Variants in CNTNAP5 observed in about 807,000 individuals in gnomAD.
The protein encoded by CNTNAP5 is contactin-associated protein-like 5.
CNTNAP5 carries 72 observed loss-of-function variants against 150.2 expected under a neutral mutation model. That is an observed-to-expected ratio of 0.48 (90% CI 0.40 to 0.58). The LOEUF is 0.58. Among genes scored for constraint, CNTNAP5 ranks in the 20% least tolerant of loss-of-function variants. CNTNAP5 has a pLI of 0.00. For synonymous variants in CNTNAP5, 672 were observed against 619.8 expected, an observed-to-expected ratio of 1.08 and a Z score of -1.25; for missense variants, 1,636 against 1,626.2, an observed-to-expected ratio of 1.01 and a Z score of -0.10.
rs1678143468 is a variant in CNTNAP5, at chr2:124,889,208, T to C, written c.3437-13674T>C. ...CTGCCTCCCAGGTTTCAAGTGATTC[T>C]GCTGTTTCAGCCTCCCAAGTAGCTG... is the stretch of plus-strand genomic sequence containing the variant. On this transcript the variant is annotated intron_variant, in intron 21 of 23. Coordinates refer to ENST00000682447, the MANE Select transcript of CNTNAP5 (RefSeq NM_001367498.1). Among the ~76,000 whole-genome samples the C allele has an allele frequency of 2.0e-5, 3 of 151,296 alleles. No individual in the cohort carries two copies. In the South Asian group the frequency reaches 6.3e-4, roughly 32 times the overall value.
chr2:124,445,412 A>G (rs1003178648), intron 5 of CNTNAP5, among the ~76,000 whole-genome samples: 1 of 152,096 alleles, frequency 6.6e-6, no homozygotes, highest in Non-Finnish European at 1.5e-5. Flanking sequence ...ATACCTTTCT[A>G]TAGGAGAAAG....
At chr2:124,878,119 T>A (rs1475093576) in intron 21 of CNTNAP5, among the ~76,000 whole-genome samples, 1 of 152,074 alleles carries the variant, frequency 6.6e-6, no homozygotes, top group Non-Finnish European at 1.5e-5. Context: ...CACAGTTCAT[T>A]TTTCTGCTGA....
chr2:124,707,071 GA>G (rs1295773470), intron 13 of CNTNAP5, among the ~76,000 whole-genome samples: 14 of 137,878 alleles, frequency 1.0e-4, no homozygotes, highest in African/African-American at 4.0e-4. Flanking sequence ...AGAGGAAGAG[GA>G]AGAAGAAGAA....
At chr2:124,526,345 T>C (rs770011405) in intron 9 of CNTNAP5, among the ~76,000 whole-genome samples, 1 of 152,182 alleles carries the variant, frequency 6.6e-6, no homozygotes, top group Non-Finnish European at 1.5e-5. Context: ...AGTTGTAGCA[T>C]CTCTCTTCAT....
At chr2:124,596,420 T>C (rs1573484403) in intron 11 of CNTNAP5, among the ~76,000 whole-genome samples, 2 of 69,640 alleles carry the variant, frequency 2.9e-5, no homozygotes, top group Admixed American at 2.0e-4. Context: ...CAGGAGCAGG[T>C]TGTTCAGTTT....
At chr2:124,374,903 T>A (rs1041996009) in intron 3 of CNTNAP5, among the ~76,000 whole-genome samples, 10 of 151,984 alleles carry the variant, frequency 6.6e-5, no homozygotes, top group African/African-American at 2.4e-4. Context: ...GAAGTCAAGC[T>A]AATAAGAGCT....
chr2:124,285,260 A>G (rs534325362), intron 3 of CNTNAP5, among the ~76,000 whole-genome samples: 1 of 152,232 alleles, frequency 6.6e-6, no homozygotes, highest in South Asian at 2.1e-4. Flanking sequence ...AACTTTCATG[A>G]GCTAACACCA....
chr2:124,235,124 G>A (rs1040813878), intron 2 of CNTNAP5, among the ~76,000 whole-genome samples: 1 of 152,138 alleles, frequency 6.6e-6, no homozygotes, highest in Non-Finnish European at 1.5e-5. Flanking sequence ...CCACAAAGAT[G>A]TTCTAGACCT....
At chr2:124,737,646 C>A (rs1680414715) in intron 13 of CNTNAP5, among the ~76,000 whole-genome samples, 1 of 152,156 alleles carries the variant, frequency 6.6e-6, no homozygotes, top group Non-Finnish European at 1.5e-5. Flanking sequence ...AGAGGTAAAT[C>A]AAGTGATCCT....
chr2:124,811,782 A>G (rs1279172234), intron 19 of CNTNAP5, among the ~76,000 whole-genome samples: 1 of 149,808 alleles, frequency 6.7e-6, no homozygotes, highest in Non-Finnish European at 1.5e-5. Context: ...CTGTACTAAA[A>G]ATACAAAAAG....
At chr2:124,769,282 C>T (rs1011557825) in intron 16 of CNTNAP5, among the ~76,000 whole-genome samples, 5 of 152,134 alleles carry the variant, frequency 3.3e-5, no homozygotes, top group Non-Finnish European at 7.3e-5. Context: ...CAGCCCTAAA[C>T]ATGCCCTTTC....
At chr2:124,069,127 C>T (rs1281730232) in intron 1 of CNTNAP5, among the ~76,000 whole-genome samples, 3 of 151,988 alleles carry the variant, frequency 2.0e-5, no homozygotes, top group African/African-American at 7.3e-5. Flanking sequence ...AAGGGTGAGT[C>T]CCAGGCCTGT....
chr2:124,077,103 AGAGT>A (rs146540113), intron 1 of CNTNAP5, among the ~76,000 whole-genome samples: 14,489 of 152,196 alleles, frequency 0.095, 735 homozygotes, highest in Non-Finnish European at 0.12. Context: ...AGGGCTTGAA[AGAGT>A]GAGGCACAGT....
At chr2:124,040,773 T>C (rs1015430010) in intron 1 of CNTNAP5, among the ~76,000 whole-genome samples, 1 of 152,080 alleles carries the variant, frequency 6.6e-6, no homozygotes, top group African/African-American at 2.4e-5. Context: ...TTCCTGTTGT[T>C]CTTATTATAA....
chr2:124,384,834 G>A (rs1056936226), intron 3 of CNTNAP5, among the ~76,000 whole-genome samples: 9 of 152,204 alleles, frequency 5.9e-5, no homozygotes, highest in African/African-American at 2.2e-4. Flanking sequence ...GATGATCTCA[G>A]AGACAGGTGC....
chr2:124,903,955 G>A (rs1678472302), intron 22 of CNTNAP5, among the ~76,000 whole-genome samples: 1 of 150,466 alleles, frequency 6.6e-6, no homozygotes, highest in Non-Finnish European at 1.5e-5. Context: ...TTGGGAGGCT[G>A]AGGAATGAGA....
chr2:124,335,231 C>A (rs575433782), intron 3 of CNTNAP5, among the ~76,000 whole-genome samples: 1 of 152,004 alleles, frequency 6.6e-6, no homozygotes, highest in Non-Finnish European at 1.5e-5. Context: ...ACCAGGCAAC[C>A]GAAGTTGAAA....
chr2:124,150,746 A>G (rs1033391373), intron 1 of CNTNAP5, among the ~76,000 whole-genome samples: 3 of 152,158 alleles, frequency 2.0e-5, no homozygotes, highest in African/African-American at 7.2e-5. Context: ...TCTTCATGAG[A>G]GGTCTACCCT....
At chr2:124,158,040 AAGTGGAAATAT>A (rs1394280407) in intron 1 of CNTNAP5, among the ~76,000 whole-genome samples, 1 of 152,212 alleles carries the variant, frequency 6.6e-6, no homozygotes, top group Admixed American at 6.5e-5. Flanking sequence ...GCAAATGGTC[AAGTGGAAATAT>A]AGAGAGAATG....
Sources: gnomAD v4.1 joint callset for allele counts (sites outside exome capture counted in the v4.1 genomes callset) on GRCh38, gnomAD v4.1.1 for gene constraint, MANE v1.5 for transcripts, NCBI Gene and HGNC (gene_info 2026-07-23, HGNC 2026-07-21) for gene names.